TP53BP2: variants seen among roughly 807,000 people sequenced by gnomAD.
The protein encoded by TP53BP2 is tumor protein p53 binding protein 2, also known as apoptosis-stimulating of p53 protein 2.
In TP53BP2, 62 loss-of-function variants were observed where a neutral mutation model predicts 126.2. The ratio of observed to expected loss-of-function variants is 0.49; its 90% CI spans 0.40 to 0.61. The LOEUF is 0.61. Among genes scored for constraint, TP53BP2 ranks in the 20% least tolerant of loss-of-function variants. The pLI, the probability that TP53BP2 is intolerant of heterozygous loss-of-function variation, is 0.00. For synonymous variants in TP53BP2, 485 were observed against 502.9 expected, an observed-to-expected ratio of 0.96 and a Z score of 0.48; for missense variants, 1,215 against 1,402.8, an observed-to-expected ratio of 0.87 and a Z score of 2.14.
At chr1:223,841,887 T>C (rs551389152) in intron 1 of TP53BP2, among the ~76,000 whole-genome samples, 9 of 151,620 alleles carry the variant, frequency 5.9e-5, no homozygotes, top group African/African-American at 1.9e-4. Flanking sequence ...CTGAGCTTTT[T>C]AAAATAAGCC....
Position 223,784,172 on chromosome 1 carries a change from T to C in TP53BP2, c.3306A>G (p.Glu1102=). 16 of 1,614,148 alleles carry C rather than the reference T, an allele frequency of 9.9e-6. No individual in the cohort carries two copies. The highest frequency in any genetic ancestry group is 1.4e-5 in the Non-Finnish European group (16 of 1,180,010). The part of the protein sequence containing the change: ...IIHREDEDEI[E]WWWARLNDKE... Reference sequence around the variant, plus strand: ...TATCATTAAGGCGCGCCCACCACCATTCGATTTCATCTTCGTCTTCCCTGT... The same window carrying C: ...TATCATTAAGGCGCGCCCACCACCACTCGATTTCATCTTCGTCTTCCCTGT... The change falls in exon 17 of 18, where the codon GAA becomes GAG. Residue 1102 remains glutamate (E), a synonymous_variant. Transcript: ENST00000343537.
At chr1:223,814,474 G>A in intron 2 of TP53BP2, 121 bp from the exon 3 acceptor site, 1 of 721,200 alleles carries the variant, frequency 1.4e-6, no homozygotes, top group Non-Finnish European at 2.3e-6. Flanking sequence ...AGTATCTCAG[G>A]TAAATTTTTT....
At chr1:223,800,194 C>A in intron 10 of TP53BP2, 147 bp from the exon 11 acceptor site, 1 of 800,110 alleles carries the variant, frequency 1.2e-6, no homozygotes, top group African/African-American at 1.7e-5. Context: ...AAAAGGATAA[C>A]CCAAGCACTA....
intron 3 of TP53BP2, among the ~76,000 whole-genome samples, chr1:223,812,813 C>T (rs1662957231): frequency 6.6e-6 from 1 of 152,270 alleles, no homozygotes; most frequent in Middle Eastern, 3.4e-3. Context: ...CCTCCCGCCT[C>T]GTCCTCCCAA....
intron 13 of TP53BP2, among the ~76,000 whole-genome samples, chr1:223,794,577 CT>C (rs968095673): frequency 2.0e-5 from 3 of 152,132 alleles, no homozygotes; most frequent in Admixed American, 6.5e-5. Flanking sequence ...TCTAGTTTTC[CT>C]TTTTTCTCCT....
rs1429223884 is a variant in TP53BP2, at chr1:223,784,106, A to G, written c.3363+9T>C. 2.5e-6 allele frequency: 4 copies of G among 1,612,886 alleles called. No individual in the cohort carries two copies. The highest frequency in any genetic ancestry group is 1.7e-4 in the Middle Eastern group (1 of 6,060). ...ATATGAAAACACCGTAAGCGTCAGA[A>G]TAACTTACTCCCAGCAAGTTACGTG... On this transcript the variant is annotated intron_variant, in intron 17 of 17. Coordinates refer to ENST00000343537, the MANE Select transcript of TP53BP2 (RefSeq NM_001031685.3).
At chr1:223,836,428 T>C (rs1271567702) in intron 1 of TP53BP2, among the ~76,000 whole-genome samples, 1 of 152,258 alleles carries the variant, frequency 6.6e-6, no homozygotes, top group Non-Finnish European at 1.5e-5. Context: ...ACTGACTTGG[T>C]GTTTTGAGTT....
chr1:223,845,465 T>C (rs905281841), intron 1 of TP53BP2, among the ~76,000 whole-genome samples, 189 bp downstream of exon 1: 3 of 152,096 alleles, frequency 2.0e-5, no homozygotes, highest in Non-Finnish European at 4.4e-5. Context: ...ACGACGGCTG[T>C]GGGCGCAGAG....
intron 17 of TP53BP2, 53 bp downstream of exon 17, chr1:223,784,062 C>G (rs1268631968): frequency 6.5e-7 from 1 of 1,547,952 alleles, no homozygotes; most frequent in African/African-American, 1.4e-5. Context: ...GCAGTTTTTA[C>G]AAAGCCCCTC....
chr1:223,798,755 C>A (rs1662425954), intron 11 of TP53BP2, 78 bp from the exon 12 acceptor site: 1 of 1,211,134 alleles, frequency 8.3e-7, no homozygotes, highest in Non-Finnish European at 1.2e-6. Flanking sequence ...CCTAATTTCA[C>A]AAATGTAAAT....
intron 2 of TP53BP2, among the ~76,000 whole-genome samples, chr1:223,819,947 A>C (rs1157118393): frequency 2.0e-5 from 3 of 152,234 alleles, no homozygotes. Context: ...TGGGGCTATC[A>C]GGATAAAAGG....
chr1:223,798,125 AG>A (rs1405333408), intron 12 of TP53BP2, 89 bp downstream of exon 12: 6 of 1,250,212 alleles, frequency 4.8e-6, no homozygotes, highest in Non-Finnish European at 6.7e-6. Context: ...CAGTCAAAAT[AG>A]GGATTAGTTA....
At chr1:223,815,707 A>C (rs1447374758) in intron 2 of TP53BP2, among the ~76,000 whole-genome samples, 1 of 152,190 alleles carries the variant, frequency 6.6e-6, no homozygotes, top group Non-Finnish European at 1.5e-5. Context: ...ACTAACACTC[A>C]TGTGCCAGCC....
chr1:223,837,812 C>A (rs1206063206), intron 1 of TP53BP2, among the ~76,000 whole-genome samples: 1 of 152,062 alleles, frequency 6.6e-6, no homozygotes, highest in Non-Finnish European at 1.5e-5. Context: ...GCTCCCACGT[C>A]CCTTCCCATG....
chr1:223,837,145 TA>T lies in TP53BP2; in HGVS notation c.27+8508del, dbSNP rs1184963401. Among the ~76,000 whole-genome samples, 695 of 63,528 alleles carry T rather than the reference TA, an allele frequency of 0.011. 21 individuals are homozygous for T. The East Asian group carries it at 0.2, about 19-fold the overall frequency. 41.7% of individuals were successfully genotyped at this position (63,528 alleles called of 152,430 possible). ...AATGAAGATACTATTGTTTTAAAAT[TA>T]AAAAAAAAAGGGGGGGGGCGGGGGG... On this transcript the variant is annotated intron_variant, in intron 1 of 17. Coordinates refer to ENST00000343537, the MANE Select transcript of TP53BP2 (RefSeq NM_001031685.3).
chr1:223,792,885 A>G (rs1012859684), intron 14 of TP53BP2, among the ~76,000 whole-genome samples: 2 of 151,726 alleles, frequency 1.3e-5, no homozygotes, highest in Admixed American at 6.6e-5. Flanking sequence ...AAGGTCAACT[A>G]AAAATATTTT....
intron 1 of TP53BP2, among the ~76,000 whole-genome samples, chr1:223,831,838 T>C (rs948089081): frequency 1.3e-5 from 2 of 151,232 alleles, no homozygotes; most frequent in Non-Finnish European, 2.9e-5. Context: ...ATGTCAGTCA[T>C]ATCTAGATGA....
chr1:223,788,062 T>C (rs1324617724), intron 16 of TP53BP2, among the ~76,000 whole-genome samples: 11 of 146,634 alleles, frequency 7.5e-5, no homozygotes, highest in African/African-American at 2.9e-4. Context: ...GAGTGAGACC[T>C]CGCCTCTAAA....
rs761806564 is a variant in TP53BP2, at chr1:223,798,271, T to A, written c.1892A>T (p.Gln631Leu). ...CTTGGTCAACGCGCTCTGCACAGCC[T>A]GCTGGAAGTTTTTTCCTGGCGCCTG... is the stretch of plus-strand genomic sequence containing the variant. ...QQQAPGKNFQ[Q>L]AVQSALTKTH... The change falls in exon 12 of 18, where the codon CAG becomes CTG. Residue 631 changes from glutamine (Q) to leucine (L), a missense_variant. Physicochemically the swap from Gln to Leu is moderately radical, Grantham distance 113 (BLOSUM62 -2). Coordinates refer to ENST00000343537, the MANE Select transcript of TP53BP2 (RefSeq NM_001031685.3). 2.5e-6 allele frequency: 4 copies of A among 1,614,230 alleles called. No individual in the cohort carries two copies. Among genetic ancestry groups the A allele is most frequent in the Non-Finnish European group, 3.4e-6 (4 of 1,180,034 alleles).
Sources: allele counts gnomAD v4.1 joint callset (sites outside exome capture counted in the v4.1 genomes callset), GRCh38; gene constraint gnomAD v4.1.1; transcripts MANE v1.5; gene names NCBI Gene and HGNC (gene_info 2026-07-23, HGNC 2026-07-21).